The following PPP1R9A variants were observed in gnomAD, a reference collection of about 807,000 sequenced individuals.
The protein encoded by PPP1R9A is protein phosphatase 1 regulatory subunit 9A.
A neutral mutation model predicts 141.9 loss-of-function variants in PPP1R9A; 59 were observed. The ratio of observed to expected loss-of-function variants is 0.42; its 90% CI spans 0.34 to 0.52. PPP1R9A has a LOEUF of 0.52. Among genes scored for constraint, PPP1R9A ranks in the 20% least tolerant of loss-of-function variants. The pLI is 0.10. For missense variants in PPP1R9A, 1,444 were observed against 1,611.9 expected (o/e 0.90, Z 1.78); for synonymous variants, 500 against 569.7 (o/e 0.88, Z 1.74).
chr7:95,008,139 C>G (rs947445817), intron 2 of PPP1R9A, among the ~76,000 whole-genome samples: 3 of 152,030 alleles, frequency 2.0e-5, no homozygotes, highest in Non-Finnish European at 4.4e-5. Context: ...GAAATAATGT[C>G]TATTTTATGG....
At chr7:95,129,406 T>C (rs891448021) in intron 4 of PPP1R9A, among the ~76,000 whole-genome samples, 7 of 152,214 alleles carry the variant, frequency 4.6e-5, no homozygotes, top group African/African-American at 1.7e-4. Context: ...CCTTCTGCCA[T>C]GAACGTGAGG....
chr7:95,286,382 A>G (rs1563565724), intron 18 of PPP1R9A, 57 bp downstream of exon 18: 2 of 1,594,772 alleles, frequency 1.3e-6, no homozygotes, highest in East Asian at 4.5e-5. Flanking sequence ...TTTACCCATG[A>G]ACCATCACCA....
chr7:95,022,371 G>C (rs577574308), intron 2 of PPP1R9A, among the ~76,000 whole-genome samples: 24 of 152,194 alleles, frequency 1.6e-4, no homozygotes, highest in African/African-American at 5.5e-4. Context: ...GGAGATTTGG[G>C]GCTGAGATGA....
At chr7:95,152,196 C>A (rs978655541) in intron 4 of PPP1R9A, among the ~76,000 whole-genome samples, 2 of 151,968 alleles carry the variant, frequency 1.3e-5, no homozygotes, top group Non-Finnish European at 2.9e-5. Context: ...GTGATCCACC[C>A]GCCTTGGCTT....
intron 3 of PPP1R9A, among the ~76,000 whole-genome samples, chr7:95,120,217 A>G (rs1156583296): frequency 6.6e-6 from 1 of 152,152 alleles, no homozygotes; most frequent in African/African-American, 2.4e-5. Context: ...TCAGCCTCCC[A>G]AAGTTCTGGG....
At chr7:95,185,680 A>T (rs902866643) in intron 5 of PPP1R9A, among the ~76,000 whole-genome samples, 9 of 152,048 alleles carry the variant, frequency 5.9e-5, no homozygotes, top group Admixed American at 3.3e-4. Context: ...TAAGTCTTTG[A>T]TCCATCTTGA....
intron 5 of PPP1R9A, among the ~76,000 whole-genome samples, chr7:95,181,392 GAA>G (rs1022980666): frequency 9.1e-5 from 12 of 131,498 alleles, no homozygotes; most frequent in African/African-American, 3.4e-4. Flanking sequence ...AGAATAGAGA[GAA>G]TATATATATT....
chr7:95,265,333 T>G (rs1006834847), intron 12 of PPP1R9A, among the ~76,000 whole-genome samples: 8 of 152,224 alleles, frequency 5.3e-5, no homozygotes, highest in Non-Finnish European at 1.0e-4. Flanking sequence ...TCACTCTCTG[T>G]CACAGATTAA....
chr7:94,989,393 T>A (rs1354194864), intron 2 of PPP1R9A, among the ~76,000 whole-genome samples: 3 of 152,140 alleles, frequency 2.0e-5, no homozygotes, highest in African/African-American at 7.2e-5. Context: ...GTCAGCAAAC[T>A]GACTTTCTAT....
intron 2 of PPP1R9A, among the ~76,000 whole-genome samples, chr7:95,063,364 G>A (rs1812506978): frequency 6.6e-6 from 1 of 152,026 alleles, no homozygotes; most frequent in Admixed American, 6.6e-5. Flanking sequence ...AGCAGTTTAA[G>A]ATCAGCCTGG....
intron 7 of PPP1R9A, among the ~76,000 whole-genome samples, chr7:95,221,782 T>C (rs1397814697): frequency 6.6e-6 from 1 of 151,984 alleles, no homozygotes; most frequent in Non-Finnish European, 1.5e-5. Context: ...GGAAGGATCT[T>C]TTTCATCTGT....
chr7:95,075,000 C>T (rs1814623988), intron 2 of PPP1R9A, among the ~76,000 whole-genome samples: 1 of 152,092 alleles, frequency 6.6e-6, no homozygotes, highest in South Asian at 2.1e-4. Flanking sequence ...TCATGAACTA[C>T]ATGTCCATGT....
chr7:95,172,386 C>G (rs959841498), intron 5 of PPP1R9A, among the ~76,000 whole-genome samples: 2 of 151,678 alleles, frequency 1.3e-5, no homozygotes, highest in African/African-American at 4.8e-5. Context: ...ACAAAAGATG[C>G]TACTTGAACT....
intron 2 of PPP1R9A, among the ~76,000 whole-genome samples, chr7:95,032,371 T>A (rs562600022): frequency 2.2e-4 from 33 of 152,216 alleles, no homozygotes; most frequent in African/African-American, 5.1e-4. Flanking sequence ...TTTTTTTTTT[T>A]AAATTGAATG....
chr7:95,246,037 C>T (rs934116070), intron 8 of PPP1R9A, among the ~76,000 whole-genome samples: 6 of 152,122 alleles, frequency 3.9e-5, no homozygotes, highest in African/African-American at 1.2e-4. Flanking sequence ...AGACCTCATG[C>T]CTTTTGCATA....
At chr7:95,073,078 T>C (rs2152199073) in intron 2 of PPP1R9A, among the ~76,000 whole-genome samples, 1 of 148,634 alleles carries the variant, frequency 6.7e-6, no homozygotes, top group South Asian at 2.1e-4. Flanking sequence ...CTCCGCTTCC[T>C]GAGTTCAAGC....
chr7:95,282,204 G>A (rs540344387), intron 16 of PPP1R9A, among the ~76,000 whole-genome samples: 1 of 135,216 alleles, frequency 7.4e-6, no homozygotes, highest in East Asian at 2.2e-4. Flanking sequence ...GGTGGCACAC[G>A]CCTATAAGTC....
At chr7:95,017,529 A>G (rs1307888071) in intron 2 of PPP1R9A, among the ~76,000 whole-genome samples, 3 of 152,164 alleles carry the variant, frequency 2.0e-5, no homozygotes, top group Admixed American at 2.0e-4. Flanking sequence ...GTATAAACAA[A>G]ACAAAGATGT....
chr7:94,921,128 G>A (rs1204761294), intron 2 of PPP1R9A, among the ~76,000 whole-genome samples: 1 of 152,102 alleles, frequency 6.6e-6, no homozygotes, highest in African/African-American at 2.4e-5. Flanking sequence ...AGAGGGAAAA[G>A]CAGGTTTATT....
Sources: allele counts gnomAD v4.1 joint callset (sites outside exome capture counted in the v4.1 genomes callset), GRCh38; gene constraint gnomAD v4.1.1; transcripts MANE v1.5; gene names NCBI Gene and HGNC (gene_info 2026-07-23, HGNC 2026-07-21).